KIAA1328: variants seen among roughly 807,000 people sequenced by gnomAD.
KIAA1328 encodes KIAA1328, also known as protein hinderin.
Under a neutral mutation model 68.1 loss-of-function variants are expected in KIAA1328, and 52 were observed. The ratio of observed to expected loss-of-function variants is 0.76; its 90% confidence interval spans 0.61 to 0.96. KIAA1328 has a LOEUF of 0.96. KIAA1328 is among the 40% of genes least tolerant of loss of function. KIAA1328 has a pLI of 0.00. For synonymous variants in KIAA1328, 232 were observed against 239.4 expected (o/e 0.97, Z 0.28); for missense variants, 641 against 677.6 (o/e 0.95, Z 0.60).
At chr18:36,889,502 G>A (rs11665085) in intron 5 of KIAA1328, among the ~76,000 whole-genome samples, 21,070 of 152,186 alleles carry the variant, frequency 0.14, 1,817 homozygotes, top group Non-Finnish European at 0.19. Context: ...TCACTGTTTT[G>A]ACTGGCATAG....
intron 4 of KIAA1328, among the ~76,000 whole-genome samples, chr18:36,856,089 C>T (rs2047374928): frequency 6.6e-6 from 1 of 151,800 alleles, no homozygotes; most frequent in Admixed American, 6.6e-5. Context: ...CGAATCATTT[C>T]CCTCTTGTTG....
At chr18:36,855,119 A>G (rs2047340693) in intron 4 of KIAA1328, among the ~76,000 whole-genome samples, 2 of 152,056 alleles carry the variant, frequency 1.3e-5, no homozygotes, top group South Asian at 4.1e-4. Flanking sequence ...ATGAACATTT[A>G]TGTACAAGGA....
At chr18:36,942,460 G>A (rs1415304693) in intron 5 of KIAA1328, among the ~76,000 whole-genome samples, 2 of 152,146 alleles carry the variant, frequency 1.3e-5, no homozygotes, top group African/African-American at 4.8e-5. Flanking sequence ...GGCAGTAGGG[G>A]GAGTAGTAGG....
intron 7 of KIAA1328, among the ~76,000 whole-genome samples, chr18:37,115,056 C>A (rs139235441): frequency 0.025 from 3,858 of 152,170 alleles, 64 homozygotes; most frequent in Middle Eastern, 0.075. Flanking sequence ...CAGGACCAGA[C>A]GGATTCACAG....
At chr18:37,064,381 G>T (rs1207249114) in intron 6 of KIAA1328, among the ~76,000 whole-genome samples, 1 of 152,122 alleles carries the variant, frequency 6.6e-6, no homozygotes, top group African/African-American at 2.4e-5. Flanking sequence ...TCCATCATTT[G>T]CAACTATTGC....
At chr18:37,116,467 G>A (rs1337385650) in intron 7 of KIAA1328, among the ~76,000 whole-genome samples, 1 of 152,082 alleles carries the variant, frequency 6.6e-6, no homozygotes, top group African/African-American at 2.4e-5. Flanking sequence ...TATGTAGAAA[G>A]CTGAAACTGG....
intron 4 of KIAA1328, among the ~76,000 whole-genome samples, chr18:36,854,855 A>C (rs1468645961): frequency 6.6e-6 from 1 of 152,108 alleles, no homozygotes; most frequent in East Asian, 1.9e-4. Context: ...CTGGTACCCC[A>C]GTTTACCGTT....
At chr18:36,868,357 T>C (rs2047825794) in intron 4 of KIAA1328, among the ~76,000 whole-genome samples, 1 of 152,210 alleles carries the variant, frequency 6.6e-6, no homozygotes, top group African/African-American at 2.4e-5. Flanking sequence ...TTGTACAAGA[T>C]TGCAAAATTA....
At chr18:37,118,614 CAG>C (rs894051254) in intron 7 of KIAA1328, among the ~76,000 whole-genome samples, 28 of 152,120 alleles carry the variant, frequency 1.8e-4, no homozygotes, top group African/African-American at 6.8e-4. Context: ...CCTCTTAATT[CAG>C]AGACTTGAAT....
At chr18:37,146,681 C>T (rs1158350448) in intron 7 of KIAA1328, among the ~76,000 whole-genome samples, 14 of 152,158 alleles carry the variant, frequency 9.2e-5, no homozygotes, top group Admixed American at 7.9e-4. Flanking sequence ...AGCTATGTGG[C>T]GTTGCATTTT....
At chr18:37,137,956 A>T (rs903531111) in intron 7 of KIAA1328, among the ~76,000 whole-genome samples, 1 of 151,968 alleles carries the variant, frequency 6.6e-6, no homozygotes. Context: ...ATCCAATCCA[A>T]TTATCTCTAC....
chr18:37,082,451 C>T (rs1297534704), intron 7 of KIAA1328, among the ~76,000 whole-genome samples: 3 of 152,168 alleles, frequency 2.0e-5, no homozygotes, highest in South Asian at 2.1e-4. Flanking sequence ...GGATTACAGG[C>T]GTGAGCCACC....
chr18:37,222,162 G>C lies in KIAA1328; in HGVS notation c.1669G>C (p.Gly557Arg). ...SPLKSTRKKM[G>R]MHRTPEELEE... The stretch of plus-strand genomic sequence containing the variant: ...TCTAAAATCAACCCGGAAGAAGATG[G>C]GGATGCACAGAACCCCTGAAGAGTT... The change falls in exon 10 of 10, where the codon GGG becomes CGG. Residue 557 changes from glycine (G) to arginine (R), a missense_variant. Coordinates refer to ENST00000280020, the MANE Select transcript of KIAA1328 (RefSeq NM_020776.3). 1 of 1,605,790 alleles carries C rather than the reference G, an allele frequency of 6.2e-7. No homozygotes were observed. Among genetic ancestry groups the C allele is most frequent in the East Asian group, 2.2e-5 (1 of 44,618 alleles).
At chr18:36,955,597 C>T (rs372855988) in intron 5 of KIAA1328, among the ~76,000 whole-genome samples, 1 of 151,912 alleles carries the variant, frequency 6.6e-6, no homozygotes, top group African/African-American at 2.4e-5. Flanking sequence ...CGTGAGCCAC[C>T]GCACCTGGCT....
intron 7 of KIAA1328, chr18:37,084,046 A>G (rs2057026001): frequency 3.0e-6 from 2 of 664,736 alleles, no homozygotes; most frequent in East Asian, 3.4e-5. Context: ...TCTAGCTGAA[A>G]GAGCATGGTT....
chr18:37,026,673 G>A (rs532803653), intron 6 of KIAA1328, among the ~76,000 whole-genome samples: 1 of 152,032 alleles, frequency 6.6e-6, no homozygotes, highest in Non-Finnish European at 1.5e-5. Context: ...AAATTCAACA[G>A]CCCTTCATGC....
intron 7 of KIAA1328, chr18:37,084,034 G>A: frequency 2.0e-6 from 1 of 509,502 alleles, no homozygotes; most frequent in Non-Finnish European, 3.1e-6. Flanking sequence ...AATTTCTGGG[G>A]ATCTAGCTGA....
At chr18:36,934,793 A>G (rs547582412) in intron 5 of KIAA1328, among the ~76,000 whole-genome samples, 1 of 152,322 alleles carries the variant, frequency 6.6e-6, no homozygotes, top group East Asian at 1.9e-4. Context: ...GTAAGTTTAG[A>G]GGTGACAAAG....
At chr18:36,992,064 T>C (rs1000412354) in intron 6 of KIAA1328, among the ~76,000 whole-genome samples, 2 of 152,274 alleles carry the variant, frequency 1.3e-5, no homozygotes, top group African/African-American at 4.8e-5. Flanking sequence ...TTTTCCTTTC[T>C]GTGAAATGTC....
Sources: allele counts gnomAD v4.1 joint callset (sites outside exome capture counted in the v4.1 genomes callset), GRCh38; gene constraint gnomAD v4.1.1; transcripts MANE v1.5; gene names NCBI Gene and HGNC (gene_info 2026-07-23, HGNC 2026-07-21).